The following SF3A3 variants were observed in gnomAD, a reference collection of about 807,000 sequenced individuals.
SF3A3 encodes the protein SAP 61.
A neutral mutation model predicts 85.8 loss-of-function variants in SF3A3; 9 were observed. The ratio of observed to expected loss-of-function variants is 0.10; its 90% CI spans 0.06 to 0.18. The LOEUF (loss-of-function observed/expected upper bound fraction) is 0.18. Ranked by LOEUF, SF3A3 falls within the 10% of genes least tolerant of loss-of-function variation. The probability of loss-of-function intolerance (pLI) is 1.00; values close to 1 mark genes in which losing one functional copy is unlikely to be tolerated. For missense variants in SF3A3, 306 were observed against 593.3 expected (o/e 0.52, Z 5.03); for synonymous variants, 195 against 204.4 (o/e 0.95, Z 0.39).
chr1:37,976,819 G>A, intron 12 of SF3A3, 65 bp downstream of exon 12: 1 of 993,866 alleles, frequency 1.0e-6, no homozygotes, highest in South Asian at 1.3e-5. Flanking sequence ...TATCTTCTGT[G>A]AGTTCCTCTC....
chr1:37,960,224 G>C (rs550867996), intron 15 of SF3A3, 49 bp from the exon 16 acceptor site: 1 of 1,523,150 alleles, frequency 6.6e-7, no homozygotes. Flanking sequence ...AACATCTGTT[G>C]GGTATCCAGT....
intron 4 of SF3A3, among the ~76,000 whole-genome samples, chr1:37,985,623 A>G (rs1336614802): frequency 1.3e-5 from 2 of 152,298 alleles, no homozygotes; most frequent in East Asian, 1.9e-4. Context: ...TGCGTCTGAC[A>G]TTTAGTATAT....
chr1:37,978,183 C>CA (rs1323615724), intron 11 of SF3A3, among the ~76,000 whole-genome samples: 1 of 151,436 alleles, frequency 6.6e-6, no homozygotes, highest in African/African-American at 2.4e-5. Context: ...ACTAAAAATA[C>CA]AAAAAATCAG....
chr1:37,962,813 C>T (rs1185957642), intron 15 of SF3A3, among the ~76,000 whole-genome samples: 6 of 149,788 alleles, frequency 4.0e-5, no homozygotes, highest in African/African-American at 1.2e-4. Context: ...CGGCCGGGTG[C>T]GGTGGCTCAC....
At chr1:37,983,465 G>C (rs1158212362) in intron 6 of SF3A3, among the ~76,000 whole-genome samples, 1 of 150,050 alleles carries the variant, frequency 6.7e-6, no homozygotes, top group Non-Finnish European at 1.5e-5. Context: ...CACGCCTGTA[G>C]TCCCAAGTAC....
chr1:37,964,724 C>T (rs541978754), intron 15 of SF3A3, among the ~76,000 whole-genome samples: 2 of 152,290 alleles, frequency 1.3e-5, no homozygotes, highest in South Asian at 2.1e-4. Context: ...GGAAGCCTGG[C>T]GGTGGTCCTC....
In SF3A3 at chr1:37,978,818, T is replaced by C. The variant is rs896724949; in HGVS notation, c.837A>G (p.Glu279=). The C allele has an allele frequency of 1.9e-6, 3 of 1,574,254 alleles. No homozygotes were observed. The African/African-American group carries it at 4.0e-5, about 21-fold the overall frequency. ...ALGLKCGGTL[E]ERAQRLFSTK... ...TACTGAATAGTCTCTGGGCTCGCTC[T>C]TCTAGGGTCCTAAGGAGACAGGACG... The change falls in exon 11 of 17, where the codon GAA becomes GAG. Residue 279 remains glutamate (E), a synonymous_variant. Coordinates refer to ENST00000373019, the MANE Select transcript of SF3A3 (RefSeq NM_006802.4).
intron 11 of SF3A3, 34 bp from the exon 12 acceptor site, chr1:37,976,987 A>G (rs1200995755): frequency 6.8e-7 from 1 of 1,470,536 alleles, no homozygotes; most frequent in African/African-American, 1.4e-5. Flanking sequence ...TCACTCAAGG[A>G]TTCTCTCATC....
In SF3A3 at chr1:37,961,261, A is replaced by G. The variant is rs11488568; in HGVS notation, c.1373-1086T>C. Among the ~76,000 whole-genome samples, 1,313 of 152,324 alleles carry G rather than the reference A, an allele frequency of 8.6e-3. 21 individuals are homozygous for G. The highest frequency in any genetic ancestry group is 0.03 in the African/African-American group (1,248 of 41,568). On this transcript the variant is annotated intron_variant, in intron 15 of 16. Transcript: ENST00000373019. ...CTGGCACATAGGTGCTCAACTAATC[A>G]ACTTTTCCTTCTTTGCTAATTGCTT... is the stretch of plus-strand genomic sequence containing the variant.
chr1:37,984,007 T>C lies in SF3A3; in HGVS notation c.468+162A>G, dbSNP rs955118665. 12 of 456,108 alleles carry C rather than the reference T, an allele frequency of 2.6e-5. No homozygotes were observed. In the Admixed American group the frequency reaches 4.6e-4, roughly 17 times the overall value. The allele number at this position is 456,108 out of a possible 1,614,324, so 28.3% of individuals were successfully genotyped here. On this transcript the variant is annotated intron_variant, in intron 6 of 16. Coordinates refer to ENST00000373019, the MANE Select transcript of SF3A3 (RefSeq NM_006802.4). ...CACTGTAGAAAACTTTCATTTTGAA[T>C]AGTATTTCATTCCAAGAGAGCATAT... is the stretch of plus-strand genomic sequence containing the variant.
At chr1:37,979,174 T>G in intron 9 of SF3A3, 119 bp from the exon 10 acceptor site, 1 of 787,542 alleles carries the variant, frequency 1.3e-6, no homozygotes, top group Non-Finnish European at 2.2e-6. Flanking sequence ...TCACAGCCAA[T>G]CTAGCAGTAA....
At chr1:37,980,826 T>C in intron 7 of SF3A3, 102 bp from the exon 8 acceptor site, 1 of 676,654 alleles carries the variant, frequency 1.5e-6, no homozygotes, top group Non-Finnish European at 2.2e-6. Flanking sequence ...CTAGTAATGC[T>C]ATCTTTTTAA....
intron 11 of SF3A3, 121 bp from the exon 12 acceptor site, chr1:37,977,074 T>C (rs931067480): frequency 4.1e-6 from 3 of 724,888 alleles, no homozygotes; most frequent in Non-Finnish European, 4.9e-6. Flanking sequence ...AGAAATACGA[T>C]GCTATGAAAG....
chr1:37,962,376 G>A (rs180719982), intron 15 of SF3A3, among the ~76,000 whole-genome samples: 2 of 147,748 alleles, frequency 1.4e-5, no homozygotes, highest in Non-Finnish European at 3.0e-5. Flanking sequence ...GGCTAAGGTG[G>A]GCAGATCACC....
At chr1:37,987,953 G>A (rs1646467515) in intron 2 of SF3A3, 117 bp from the exon 3 acceptor site, 10 of 829,384 alleles carry the variant, frequency 1.2e-5, no homozygotes, top group Admixed American at 1.8e-5. Context: ...ATGGATATGA[G>A]ATAGTCTTAA....
intron 6 of SF3A3, among the ~76,000 whole-genome samples, chr1:37,983,360 G>T (rs1021919987): frequency 6.6e-6 from 1 of 151,184 alleles, no homozygotes; most frequent in East Asian, 1.9e-4. Context: ...AAGACAGACG[G>T]ATTGCTTGAG....
At chr1:37,966,773 T>C (rs1269432276) in intron 15 of SF3A3, among the ~76,000 whole-genome samples, 1 of 150,070 alleles carries the variant, frequency 6.7e-6, no homozygotes, top group Non-Finnish European at 1.5e-5. Flanking sequence ...CCGTCTCTAC[T>C]AAAAGTACAA....
chr1:37,970,629 T>TA (rs1646332506), intron 12 of SF3A3, among the ~76,000 whole-genome samples: 2 of 152,240 alleles, frequency 1.3e-5, no homozygotes, highest in Middle Eastern at 3.4e-3. Flanking sequence ...TCAGCAAATG[T>TA]AAAAGAACAG....
At chr1:37,989,428 C>T in intron 2 of SF3A3, 120 bp downstream of exon 2, 1 of 1,054,410 alleles carries the variant, frequency 9.5e-7, no homozygotes, top group Non-Finnish European at 1.4e-6. Flanking sequence ...GGCAGAGAGC[C>T]CGCGACTGGC....
Sources: gnomAD v4.1 joint callset for allele counts (sites outside exome capture counted in the v4.1 genomes callset) on GRCh38, gnomAD v4.1.1 for gene constraint, MANE v1.5 for transcripts, NCBI Gene and HGNC (gene_info 2026-07-23, HGNC 2026-07-21) for gene names.